PRKG1: variants seen among roughly 807,000 people sequenced by gnomAD.
PRKG1 encodes protein kinase cGMP-dependent 1.
In PRKG1, 35 loss-of-function variants were observed where a neutral mutation model predicts 88.1. The ratio of observed to expected loss-of-function variants is 0.40; its 90% CI spans 0.30 to 0.53. The LOEUF (loss-of-function observed/expected upper bound fraction) is 0.53. PRKG1 is among the 20% of genes least tolerant of loss of function. PRKG1 has a pLI of 0.59. For synonymous variants in PRKG1, 303 were observed against 292.5 expected, an observed-to-expected ratio of 1.04 and a Z score of -0.37; for missense variants, 540 against 839.8, an observed-to-expected ratio of 0.64 and a Z score of 4.41.
intron 3 of PRKG1, among the ~76,000 whole-genome samples, chr10:51,726,043 T>C (rs1842123211): frequency 6.6e-6 from 1 of 152,226 alleles, no homozygotes; most frequent in African/African-American, 2.4e-5. Flanking sequence ...TTCATCACAA[T>C]GCAAAACTTC....
intron 1 of PRKG1, among the ~76,000 whole-genome samples, chr10:51,091,066 C>T (rs1446640343): frequency 6.6e-6 from 1 of 152,084 alleles, no homozygotes; most frequent in Non-Finnish European, 1.5e-5. Flanking sequence ...GATAACAGTC[C>T]TGCTTGCCTG....
Position 52,288,634 on chromosome 10 carries a change from A to G in PRKG1, c.1710-92A>G, listed in dbSNP as rs556600561. 7.5e-6 allele frequency: 10 copies of G among 1,326,358 alleles called. No homozygotes were observed. In the Admixed American group the frequency reaches 2.6e-4, roughly 34 times the overall value. The allele number at this position is 1,326,358 out of a possible 1,614,324, so 82.2% of individuals were successfully genotyped here. On this transcript the variant is annotated intron_variant, in intron 14 of 17. Transcript: ENST00000373980. ...CTATTAATCTAAGCCCCCAAATATG[A>G]ATTGATGTCATCTGTGGAGTTTATA...
intron 1 of PRKG1, among the ~76,000 whole-genome samples, chr10:51,085,234 CCT>C (rs1236054587): frequency 6.6e-6 from 1 of 152,152 alleles, no homozygotes; most frequent in East Asian, 1.9e-4. Flanking sequence ...ACCTACGTTA[CCT>C]AATTCACTGG....
chr10:51,199,980 T>C (rs1281485535), intron 2 of PRKG1, among the ~76,000 whole-genome samples: 1 of 152,116 alleles, frequency 6.6e-6, no homozygotes, highest in African/African-American at 2.4e-5. Context: ...TATTTAACAA[T>C]ATAAGTCGGG....
chr10:51,174,361 A>C (rs536670373), intron 2 of PRKG1, among the ~76,000 whole-genome samples: 1 of 152,066 alleles, frequency 6.6e-6, no homozygotes, highest in Admixed American at 6.6e-5. Context: ...ACATTTTATA[A>C]ATAAATACTA....
intron 2 of PRKG1, among the ~76,000 whole-genome samples, chr10:51,157,378 T>C (rs929355654): frequency 6.6e-6 from 1 of 151,968 alleles, no homozygotes; most frequent in African/African-American, 2.4e-5. Context: ...GTTTTAATTA[T>C]GTTAGTATAT....
chr10:52,222,174 C>A (rs1452656447), intron 9 of PRKG1, among the ~76,000 whole-genome samples: 2 of 152,048 alleles, frequency 1.3e-5, no homozygotes, highest in Non-Finnish European at 2.9e-5. Context: ...TTTGATGACA[C>A]CAGCAGGGGT....
intron 8 of PRKG1, among the ~76,000 whole-genome samples, chr10:52,153,604 G>A (rs1176876350): frequency 1.3e-5 from 2 of 152,144 alleles, no homozygotes; most frequent in African/African-American, 4.8e-5. Context: ...AGGGAGTAAT[G>A]TGTTCTTTAG....
intron 4 of PRKG1, among the ~76,000 whole-genome samples, chr10:51,861,760 A>T (rs10823739): frequency 0.31 from 46,727 of 152,030 alleles, 7,594 homozygotes; most frequent in African/African-American, 0.4. Context: ...CTCAATTATA[A>T]ATTTACACAA....
At chr10:52,187,294 A>G (rs1452513761) in intron 9 of PRKG1, among the ~76,000 whole-genome samples, 1 of 152,184 alleles carries the variant, frequency 6.6e-6, no homozygotes, top group Non-Finnish European at 1.5e-5. Context: ...AAGTCACTAT[A>G]GTAGCCTCAA....
At chr10:52,102,570 GAA>G (rs1366876246) in intron 7 of PRKG1, among the ~76,000 whole-genome samples, 1 of 132,150 alleles carries the variant, frequency 7.6e-6, no homozygotes, top group Non-Finnish European at 1.6e-5. Context: ...CGAAAATCAT[GAA>G]AGAGACTGTG....
chr10:51,184,858 A>C (rs1837444661), intron 2 of PRKG1, among the ~76,000 whole-genome samples: 1 of 152,086 alleles, frequency 6.6e-6, no homozygotes, highest in South Asian at 2.1e-4. Flanking sequence ...GCTGACCTTC[A>C]CCATTTTTCA....
chr10:51,109,531 C>CGGAT lies in PRKG1; in HGVS notation c.311+34630_311+34631insGGAT, dbSNP rs1179070782. Among the ~76,000 whole-genome samples the CGGAT allele has an allele frequency of 4.6e-5, 7 of 152,140 alleles. No individual in the cohort carries two copies. The South Asian group carries it at 8.3e-4, about 18-fold the overall frequency. On this transcript the variant is annotated intron_variant, in intron 1 of 17. Transcript: ENST00000373980. Reference sequence around the variant, plus strand: ...GTGAGTGCTGGAACAATTGGATATCCACCTGCAAAAATATAAACCTTACCT... The same window carrying CGGAT: ...GTGAGTGCTGGAACAATTGGATATCCGGATACCTGCAAAAATATAAACCTTACCT...
chr10:51,146,032 C>CA (rs201824211), intron 1 of PRKG1, among the ~76,000 whole-genome samples: 217 of 151,288 alleles, frequency 1.4e-3, no homozygotes, highest in African/African-American at 4.2e-3. Flanking sequence ...AACAAACAAA[C>CA]AAAAAAAACA....
chr10:51,239,132 A>T (rs1839083144), intron 2 of PRKG1, among the ~76,000 whole-genome samples: 1 of 152,194 alleles, frequency 6.6e-6, no homozygotes, highest in Non-Finnish European at 1.5e-5. Context: ...CTGTAGAAGT[A>T]AATTAAAATA....
chr10:51,505,595 T>A (rs917408592), intron 3 of PRKG1, among the ~76,000 whole-genome samples: 8 of 152,306 alleles, frequency 5.3e-5, no homozygotes, highest in African/African-American at 1.7e-4. Flanking sequence ...TGAATCCATC[T>A]GGTCCTGGAC....
intron 5 of PRKG1, among the ~76,000 whole-genome samples, chr10:51,962,723 G>C (rs1176763590): frequency 6.6e-6 from 1 of 152,154 alleles, no homozygotes; most frequent in African/African-American, 2.4e-5. Flanking sequence ...AAGTGCACAG[G>C]GGAATGTGGT....
intron 2 of PRKG1, among the ~76,000 whole-genome samples, chr10:51,292,737 G>T (rs1017302678): frequency 1.3e-5 from 2 of 151,914 alleles, no homozygotes; most frequent in African/African-American, 2.4e-5. Context: ...CCTTTTCTAG[G>T]TCTGCCTATG....
chr10:52,183,449 GCTGT>G (rs1370145231), intron 9 of PRKG1, among the ~76,000 whole-genome samples: 4 of 152,192 alleles, frequency 2.6e-5, no homozygotes, highest in African/African-American at 9.7e-5. Context: ...CAGCATTTTG[GCTGT>G]CTCAAGGGCA....
Sources: allele counts gnomAD v4.1 joint callset (sites outside exome capture counted in the v4.1 genomes callset), GRCh38; gene constraint gnomAD v4.1.1; transcripts MANE v1.5; gene names NCBI Gene and HGNC (gene_info 2026-07-23, HGNC 2026-07-21).